Variants in BRD10 observed in about 807,000 individuals in gnomAD.
BRD10 encodes the protein bromodomain containing 10.
At chr9:5,940,442 C>T in the BRD10 span, among the ~76,000 whole-genome samples, 1 of 152,164 alleles carries the variant, frequency 6.6e-6, no homozygotes, top group Non-Finnish European at 1.5e-5. Context: ...ATCCGCCCAC[C>T]TTGGCCTCCC....
the BRD10 span, among the ~76,000 whole-genome samples, chr9:5,912,244 A>T: frequency 1.3e-5 from 2 of 152,182 alleles, no homozygotes; most frequent in African/African-American, 2.4e-5. Context: ...ACTTTACTGA[A>T]TTTATCAGTT....
chr9:5,987,821 T>C, the BRD10 span, among the ~76,000 whole-genome samples: 1 of 152,194 alleles, frequency 6.6e-6, no homozygotes, highest in Admixed American at 6.5e-5. Context: ...GGTTGTCTTT[T>C]TATAAATTGA....
At chr9:5,911,560 C>T in the BRD10 span, among the ~76,000 whole-genome samples, 1 of 144,474 alleles carries the variant, frequency 6.9e-6, no homozygotes, top group Admixed American at 7.0e-5. Flanking sequence ...TTTTTTGAGA[C>T]GGTCTCTCTC....
At chr9:5,989,048 C>T in the BRD10 span, among the ~76,000 whole-genome samples, 8 of 151,714 alleles carry the variant, frequency 5.3e-5, no homozygotes, top group Non-Finnish European at 7.4e-5. Flanking sequence ...CTGACCAACA[C>T]GGAGAAGCCC....
At chr9:5,970,334 C>A in the BRD10 span, among the ~76,000 whole-genome samples, 3 of 152,012 alleles carry the variant, frequency 2.0e-5, no homozygotes, top group African/African-American at 7.2e-5. Context: ...ACTTAATAGT[C>A]ATAATGAAAA....
At chr9:5,937,498 G>A in the BRD10 span, among the ~76,000 whole-genome samples, 3 of 151,982 alleles carry the variant, frequency 2.0e-5, no homozygotes, top group Admixed American at 6.6e-5. Context: ...TCATGCCACT[G>A]CACTCCAGCC....
chr9:5,965,528 C>T, the BRD10 span, among the ~76,000 whole-genome samples: 1 of 152,182 alleles, frequency 6.6e-6, no homozygotes, highest in Admixed American at 6.5e-5. Flanking sequence ...CTAATTCATA[C>T]ATTTTTCAGT....
chr9:5,883,459 CTTCTTTTTT>C, the BRD10 span, among the ~76,000 whole-genome samples: 4 of 95,110 alleles, frequency 4.2e-5, no homozygotes, highest in Non-Finnish European at 8.0e-5. Context: ...ATTCCTTCTT[CTTCTTTTTT>C]TTTTTTTTTT....
the BRD10 span, chr9:5,968,640 G>C: frequency 6.2e-7 from 1 of 1,613,830 alleles, no homozygotes. Context: ...GAAGAGGGCA[G>C]GCTATCTCTG....
At chr9:5,994,647 T>G in the BRD10 span, among the ~76,000 whole-genome samples, 1 of 152,212 alleles carries the variant, frequency 6.6e-6, no homozygotes, top group Non-Finnish European at 1.5e-5. Flanking sequence ...AATACATGAC[T>G]AACCTCTTCT....
the BRD10 span, among the ~76,000 whole-genome samples, chr9:5,970,246 G>A: frequency 4.6e-5 from 7 of 152,030 alleles, no homozygotes; most frequent in Admixed American, 6.6e-5. Context: ...GAAATAAACT[G>A]GAAATATTGT....
chr9:5,984,617 T>G, the BRD10 span, among the ~76,000 whole-genome samples: 3 of 152,078 alleles, frequency 2.0e-5, no homozygotes, highest in Non-Finnish European at 4.4e-5. Context: ...TCAAATTACA[T>G]GAAGAAAAAC....
At chr9:5,983,931 T>G in the BRD10 span, among the ~76,000 whole-genome samples, 1 of 148,682 alleles carries the variant, frequency 6.7e-6, no homozygotes, top group Non-Finnish European at 1.5e-5. Context: ...GGAAAAAACC[T>G]GTCAATACAG....
the BRD10 span, among the ~76,000 whole-genome samples, chr9:5,900,819 C>T: frequency 6.6e-6 from 1 of 152,182 alleles, no homozygotes; most frequent in Non-Finnish European, 1.5e-5. Flanking sequence ...TTTATATTAA[C>T]CAGTTTTACA....
At chr9:5,913,235 T>A in the BRD10 span, among the ~76,000 whole-genome samples, 2 of 152,218 alleles carry the variant, frequency 1.3e-5, no homozygotes, top group African/African-American at 4.8e-5. Flanking sequence ...TCCTCTGAAG[T>A]CACAAATGTT....
chr9:5,988,335 T>C, the BRD10 span: 6 of 1,602,704 alleles, frequency 3.7e-6, no homozygotes, highest in Non-Finnish European at 8.5e-7. Context: ...ATTTTTTTCT[T>C]AACATTTACC....
chr9:5,879,351 G>A, the BRD10 span, among the ~76,000 whole-genome samples: 2 of 151,544 alleles, frequency 1.3e-5, no homozygotes, highest in African/African-American at 4.9e-5. Flanking sequence ...CCTGGGAAGG[G>A]CAACAGAGCA....
At chr9:5,949,901 T>C in the BRD10 span, among the ~76,000 whole-genome samples, 5 of 152,166 alleles carry the variant, frequency 3.3e-5, no homozygotes, top group African/African-American at 7.2e-5. Flanking sequence ...TAGTCTTTCT[T>C]TGATTACAAA....
the BRD10 span, among the ~76,000 whole-genome samples, chr9:5,952,314 C>A: frequency 6.6e-6 from 1 of 152,120 alleles, no homozygotes; most frequent in South Asian, 2.1e-4. Context: ...AGCCACTGGG[C>A]CCGGCCAAGA....
Sources: allele counts gnomAD v4.1 joint callset (sites outside exome capture counted in the v4.1 genomes callset), GRCh38; gene constraint gnomAD v4.1.1; transcripts MANE v1.5; gene names NCBI Gene and HGNC (gene_info 2026-07-23, HGNC 2026-07-21).